Variants in XPR1 observed in about 807,000 individuals in gnomAD.
XPR1 encodes solute carrier family 53 member 1.
In XPR1, 28 loss-of-function variants were observed where a neutral mutation model predicts 87.5. That is an observed-to-expected ratio of 0.32 (90% CI 0.24 to 0.44). The LOEUF (loss-of-function observed/expected upper bound fraction) is 0.44. Ranked by LOEUF, XPR1 falls within the 20% of genes least tolerant of loss-of-function variation. XPR1 has a pLI of 1.00. For missense variants in XPR1, 559 were observed against 862.3 expected, an observed-to-expected ratio of 0.65 and a Z score of 4.41; for synonymous variants, 300 against 306.1, an observed-to-expected ratio of 0.98 and a Z score of 0.21.
intron 1 of XPR1, among the ~76,000 whole-genome samples, chr1:180,636,240 T>G (rs1240537284): frequency 6.6e-6 from 1 of 152,220 alleles, no homozygotes; most frequent in East Asian, 1.9e-4. Flanking sequence ...TTAGGTAGGT[T>G]TAACTTGAGT....
intron 2 of XPR1, among the ~76,000 whole-genome samples, chr1:180,687,267 A>AT (rs1656814294): frequency 1.3e-5 from 2 of 152,170 alleles, no homozygotes; most frequent in East Asian, 3.9e-4. Context: ...TGTTTCTTGT[A>AT]TTTTTTAAAT....
intron 1 of XPR1, among the ~76,000 whole-genome samples, chr1:180,640,633 A>G (rs1342988495): frequency 2.0e-5 from 3 of 152,006 alleles, no homozygotes; most frequent in Non-Finnish European, 4.4e-5. Flanking sequence ...CTTAGTCTGC[A>G]TAGTTTGGAG....
At chr1:180,635,748 T>A (rs1299838926) in intron 1 of XPR1, among the ~76,000 whole-genome samples, 1 of 152,208 alleles carries the variant, frequency 6.6e-6, no homozygotes, top group East Asian at 1.9e-4. Flanking sequence ...TCACACTGTG[T>A]GATCCTGATG....
rs140891363 is a variant in XPR1, at chr1:180,770,819, A to G, written c.122-16934A>G. Among the ~76,000 whole-genome samples, 761 of 151,976 alleles carry G rather than the reference A, an allele frequency of 5.0e-3. 5 individuals carry two copies. The highest frequency in any genetic ancestry group is 0.016 in the African/African-American group (669 of 41,468). On this transcript the variant is annotated intron_variant, in intron 2 of 14. Coordinates refer to ENST00000367590, the MANE Select transcript of XPR1 (RefSeq NM_004736.4). Reference sequence around the variant, plus strand: ...CTCATTTTACATTACTTTCTCTTTCATTTGGTATTGTTAATCACTGTTGGT... The same window carrying G: ...CTCATTTTACATTACTTTCTCTTTCGTTTGGTATTGTTAATCACTGTTGGT...
At chr1:180,883,102 A>G (rs1652894693) in intron 14 of XPR1, among the ~76,000 whole-genome samples, 1 of 143,678 alleles carries the variant, frequency 7.0e-6, no homozygotes, top group Admixed American at 7.0e-5. Context: ...AGCTGGGGCT[A>G]CAGGTTTGCA....
chr1:180,747,933 CAGA>C (rs1647326307), intron 2 of XPR1, among the ~76,000 whole-genome samples: 2 of 152,182 alleles, frequency 1.3e-5, no homozygotes, highest in African/African-American at 4.8e-5. Flanking sequence ...TCTTTGAAAT[CAGA>C]AGAACAACAA....
At chr1:180,648,640 G>A (rs1655196789) in intron 1 of XPR1, among the ~76,000 whole-genome samples, 1 of 152,106 alleles carries the variant, frequency 6.6e-6, no homozygotes, top group South Asian at 2.1e-4. Flanking sequence ...CTGAGTAGCT[G>A]TGATTACAGG....
intron 2 of XPR1, among the ~76,000 whole-genome samples, chr1:180,769,800 G>C (rs567592075): frequency 7.2e-5 from 11 of 152,196 alleles, no homozygotes; most frequent in African/African-American, 2.6e-4. Context: ...CCCAGCAGTG[G>C]GATTGCTGGG....
intron 2 of XPR1, among the ~76,000 whole-genome samples, chr1:180,702,339 G>A (rs1657370144): frequency 7.2e-6 from 1 of 139,248 alleles, no homozygotes; most frequent in Non-Finnish European, 1.5e-5. Context: ...CATTTGCTGA[G>A]GAGAGCTTTA....
intron 11 of XPR1, among the ~76,000 whole-genome samples, chr1:180,847,644 G>C (rs559254433): frequency 6.6e-6 from 1 of 152,278 alleles, no homozygotes; most frequent in East Asian, 1.9e-4. Context: ...TGTGATGAAA[G>C]CGTGAAAAAA....
At chr1:180,649,300 C>T (rs960401013) in intron 1 of XPR1, among the ~76,000 whole-genome samples, 2 of 151,736 alleles carry the variant, frequency 1.3e-5, no homozygotes, top group African/African-American at 2.4e-5. Context: ...GGCATGGTGG[C>T]GGGCGCCTGT....
At chr1:180,702,887 C>T (rs1486536658) in intron 2 of XPR1, among the ~76,000 whole-genome samples, 1 of 152,020 alleles carries the variant, frequency 6.6e-6, no homozygotes, top group Non-Finnish European at 1.5e-5. Context: ...CTGATATCTG[C>T]ACCTCTGATT....
intron 2 of XPR1, among the ~76,000 whole-genome samples, chr1:180,702,963 A>T (rs192477296): frequency 1.3e-5 from 2 of 152,098 alleles, no homozygotes; most frequent in African/African-American, 4.8e-5. Context: ...CTGTAGGCAT[A>T]ACTGTAGTGT....
intron 2 of XPR1, among the ~76,000 whole-genome samples, chr1:180,747,159 C>CT (rs1486814580): frequency 2.0e-4 from 31 of 152,236 alleles, no homozygotes; most frequent in African/African-American, 7.5e-4. Context: ...ACCAAAGAAG[C>CT]TAAGTGTTAT....
chr1:180,735,341 T>C (rs1658694715), intron 2 of XPR1, among the ~76,000 whole-genome samples: 1 of 152,194 alleles, frequency 6.6e-6, no homozygotes, highest in African/African-American at 2.4e-5. Flanking sequence ...ATTAGCTAAA[T>C]AATTAATTCC....
rs1461529927 is a variant in XPR1 at position 180,744,637 on chromosome 1, T to G, written c.122-43116T>G. 2.0e-5 allele frequency among the ~76,000 whole-genome samples: 3 copies of G among 149,460 alleles called. No individual in the cohort carries two copies. The East Asian group carries it at 5.9e-4, about 29-fold the overall frequency. ...AGAGTGTTGAGTGACTTGTTCAGGT[T>G]TAGGCACAATTTCTTTCTTTTTTTT... is the stretch of plus-strand genomic sequence containing the variant. On this transcript the variant is annotated intron_variant, in intron 2 of 14. Coordinates refer to ENST00000367590, the MANE Select transcript of XPR1 (RefSeq NM_004736.4).
intron 12 of XPR1, among the ~76,000 whole-genome samples, chr1:180,872,958 CT>C (rs1168947681): frequency 4.0e-3 from 550 of 139,200 alleles, no homozygotes; most frequent in Non-Finnish European, 4.0e-3. Flanking sequence ...GGCCAGGGGA[CT>C]TTTTTTTTTT....
chr1:180,861,733 A>C (rs763718310), intron 11 of XPR1, among the ~76,000 whole-genome samples: 2 of 152,116 alleles, frequency 1.3e-5, no homozygotes, highest in Non-Finnish European at 2.9e-5. Context: ...AGAAGCAGCT[A>C]AACAGTGATG....
chr1:180,749,634 A>G (rs1476985358), intron 2 of XPR1, among the ~76,000 whole-genome samples: 1 of 75,348 alleles, frequency 1.3e-5, no homozygotes, highest in East Asian at 2.6e-4. Context: ...ATAAACACAT[A>G]TACATCACAC....
Sources: allele counts gnomAD v4.1 joint callset (sites outside exome capture counted in the v4.1 genomes callset), GRCh38; gene constraint gnomAD v4.1.1; transcripts MANE v1.5; gene names NCBI Gene and HGNC (gene_info 2026-07-23, HGNC 2026-07-21).